Variants in NCOA1 observed in about 807,000 individuals in gnomAD.
NCOA1 encodes the protein nuclear receptor coactivator 1.
In NCOA1, 35 loss-of-function variants were observed where a neutral mutation model predicts 150.9. The observed-to-expected ratio is 0.23, with a 90% CI of 0.18 to 0.31. The LOEUF is 0.31. NCOA1 is among the 10% of genes least tolerant of loss of function. NCOA1 has a pLI of 1.00. For synonymous variants in NCOA1, 590 were observed against 630.0 expected, an observed-to-expected ratio of 0.94 and a Z score of 0.95; for missense variants, 1,491 against 1,749.3, an observed-to-expected ratio of 0.85 and a Z score of 2.63.
chr2:24,503,702 G>T (rs772090554), intron 1 of NCOA1, among the ~76,000 whole-genome samples: 1 of 150,102 alleles, frequency 6.7e-6, no homozygotes, highest in South Asian at 2.1e-4. Context: ...CTTCACTCAC[G>T]TGAAATTTTT....
intron 1 of NCOA1, among the ~76,000 whole-genome samples, chr2:24,563,803 C>G (rs945314296): frequency 1.3e-5 from 2 of 152,242 alleles, no homozygotes; most frequent in Non-Finnish European, 2.9e-5. Context: ...CAAGCATGAT[C>G]TACTGTACCA....
intron 1 of NCOA1, among the ~76,000 whole-genome samples, chr2:24,523,208 C>G (rs780206462): frequency 5.3e-5 from 8 of 152,164 alleles, no homozygotes; most frequent in Non-Finnish European, 1.0e-4. Flanking sequence ...CTGCCCCGAT[C>G]AGCTTTTTAA....
chr2:24,685,313 C>T (rs1672352087), intron 8 of NCOA1, among the ~76,000 whole-genome samples: 1 of 152,040 alleles, frequency 6.6e-6, no homozygotes, highest in Non-Finnish European at 1.5e-5. Context: ...GAAACAAAAT[C>T]TGAATGCTGG....
intron 1 of NCOA1, among the ~76,000 whole-genome samples, chr2:24,502,586 G>A (rs1160020100): frequency 6.6e-6 from 1 of 152,084 alleles, no homozygotes; most frequent in Non-Finnish European, 1.5e-5. Context: ...CCTTAGCCTG[G>A]CATTTAAACC....
intron 1 of NCOA1, among the ~76,000 whole-genome samples, chr2:24,523,778 C>T (rs6741978): frequency 0.89 from 133,582 of 149,746 alleles, 59,700 homozygotes; most frequent in East Asian, 0.99. Context: ...ATACAAAAAT[C>T]AGCTGGGCGT....
rs1662943653 is a variant in NCOA1, at chr2:24,491,329, G to A, written c.-669G>A. On this transcript the variant is annotated 5_prime_UTR_variant, in exon 1 of 23. Transcript: ENST00000348332. ...GAAATGCCTGTTCTTCAGGCCGGGCGAGCGGGAGTCTGACGCGATTTGCTG... is the reference window on the plus strand; with the variant it reads ...GAAATGCCTGTTCTTCAGGCCGGGCAAGCGGGAGTCTGACGCGATTTGCTG... Among the ~76,000 whole-genome samples the A allele has an allele frequency of 6.8e-6, 1 of 147,836 alleles. No individual in the cohort carries two copies. Among genetic ancestry groups the A allele is most frequent in the Non-Finnish European group, 1.5e-5 (1 of 66,394 alleles).
chr2:24,506,477 A>C (rs933725302), intron 1 of NCOA1, among the ~76,000 whole-genome samples: 2 of 152,114 alleles, frequency 1.3e-5, no homozygotes, highest in African/African-American at 4.8e-5. Flanking sequence ...ATTGAAGGCT[A>C]TAGAACTTTG....
intron 20 of NCOA1, among the ~76,000 whole-genome samples, chr2:24,753,169 T>G (rs925933874): frequency 6.6e-6 from 1 of 152,172 alleles, no homozygotes; most frequent in South Asian, 2.1e-4. Flanking sequence ...GAATTTAGTC[T>G]CCTAATGTAT....
At chr2:24,518,372 C>T (rs991819287) in intron 1 of NCOA1, among the ~76,000 whole-genome samples, 2 of 152,134 alleles carry the variant, frequency 1.3e-5, no homozygotes, top group South Asian at 2.1e-4. Context: ...GAAAAACCTA[C>T]GGTTTAACAT....
chr2:24,743,740 T>G (rs566971502), intron 19 of NCOA1, among the ~76,000 whole-genome samples: 167 of 152,312 alleles, frequency 1.1e-3, no homozygotes, highest in African/African-American at 3.8e-3. Flanking sequence ...AATGACAACC[T>G]GACTAAAACA....
chr2:24,593,556 C>G (rs547646673), intron 3 of NCOA1, among the ~76,000 whole-genome samples: 41 of 152,226 alleles, frequency 2.7e-4, no homozygotes, highest in Non-Finnish European at 5.3e-4. Flanking sequence ...TCCATACTCT[C>G]ACATGGTTTT....
chr2:24,538,213 C>T (rs1016155198), intron 1 of NCOA1, among the ~76,000 whole-genome samples: 3 of 152,088 alleles, frequency 2.0e-5, no homozygotes, highest in Admixed American at 6.5e-5. Context: ...TACTTTTTAC[C>T]TTTCCATCCC....
chr2:24,694,875 A>C (rs1308775377), intron 10 of NCOA1, among the ~76,000 whole-genome samples: 1 of 152,024 alleles, frequency 6.6e-6, no homozygotes, highest in African/African-American at 2.4e-5. Flanking sequence ...TGAAGGAAAA[A>C]TAGAGTCCAT....
intron 3 of NCOA1, among the ~76,000 whole-genome samples, chr2:24,590,281 T>C (rs1427975449): frequency 6.6e-6 from 1 of 152,206 alleles, no homozygotes; most frequent in African/African-American, 2.4e-5. Context: ...TATCTTTTCA[T>C]AATCATGAGA....
chr2:24,733,355 G>A (rs924915087), intron 17 of NCOA1, among the ~76,000 whole-genome samples: 12 of 151,886 alleles, frequency 7.9e-5, no homozygotes, highest in African/African-American at 2.2e-4. Context: ...CACCATTAGC[G>A]CACTAAAAAT....
intron 1 of NCOA1, among the ~76,000 whole-genome samples, chr2:24,553,343 C>T (rs1159994448): frequency 1.1e-4 from 17 of 151,920 alleles, no homozygotes; most frequent in African/African-American, 2.9e-4. Context: ...CTCAGCCTCC[C>T]GAGTAGCTGG....
At chr2:24,603,770 G>C (rs1668234826) in intron 3 of NCOA1, among the ~76,000 whole-genome samples, 1 of 152,152 alleles carries the variant, frequency 6.6e-6, no homozygotes, top group East Asian at 1.9e-4. Context: ...CATCCATGAT[G>C]GTTGGAACCA....
At chr2:24,757,478 A>G (rs1664559394) in intron 20 of NCOA1, among the ~76,000 whole-genome samples, 1 of 152,202 alleles carries the variant, frequency 6.6e-6, no homozygotes, top group Non-Finnish European at 1.5e-5. Context: ...GGAACAAGAT[A>G]CCATCACTCC....
At chr2:24,689,954 C>A (rs1672586406) in intron 8 of NCOA1, among the ~76,000 whole-genome samples, 4 of 152,102 alleles carry the variant, frequency 2.6e-5, no homozygotes, top group Non-Finnish European at 5.9e-5. Flanking sequence ...TTATTCATAG[C>A]TCTTCATTTT....
Sources: gnomAD v4.1 joint callset for allele counts (sites outside exome capture counted in the v4.1 genomes callset) on GRCh38, gnomAD v4.1.1 for gene constraint, MANE v1.5 for transcripts, NCBI Gene and HGNC (gene_info 2026-07-23, HGNC 2026-07-21) for gene names.